OR2T27: variants seen among roughly 807,000 people sequenced by gnomAD.
OR2T27 encodes olfactory receptor 2T27.
For synonymous variants in OR2T27, 51 were observed against 152.9 expected (o/e 0.33, Z 4.92); for missense variants, 152 against 397.2 (o/e 0.38, Z 5.25).
chr1:248,651,420 T>G (rs143758624), intron 1 of OR2T27: 1,500 of 71,566 alleles, frequency 0.021, 121 homozygotes, highest in African/African-American at 0.039. Flanking sequence ...AGTACTCAAC[T>G]TACATGTATC....
At chr1:248,652,693 TCCA>T (rs1661046974) in intron 1 of OR2T27, among the ~76,000 whole-genome samples, 2 of 44,924 alleles carry the variant, frequency 4.5e-5, no homozygotes, top group African/African-American at 8.2e-5. Context: ...TCAGTACAAT[TCCA>T]CCACAACCAT....
chr1:248,652,553 C>T (rs1237230126), intron 1 of OR2T27, among the ~76,000 whole-genome samples: 1 of 128,198 alleles, frequency 7.8e-6, no homozygotes, highest in African/African-American at 2.6e-5. Context: ...TGTGTGACCA[C>T]AGGTGCACTT....
At position 248,653,390 on chromosome 1, in the gene OR2T27, T is replaced by C. The variant is rs1232141868; in HGVS notation, c.-5+2054A>G. 1.4e-5 allele frequency among the ~76,000 whole-genome samples: 2 copies of C among 141,904 alleles called. 1 individual carries two copies. Among genetic ancestry groups the C allele is most frequent in the Non-Finnish European group, 3.1e-5 (2 of 63,782 alleles). The allele number at this position is 141,904 out of a possible 152,430, so 93.1% of individuals were successfully genotyped here. A position where few individuals can be genotyped will look rare whatever the true frequency, so the allele number is the denominator to read the frequency against. The stretch of plus-strand genomic sequence containing the variant: ...TATGCCATGCCCCATGTAATAACTG[T>C]CTATGCATAATTCCAAACCTTAGTA... On this transcript the variant is annotated intron_variant, in intron 1 of 1. Coordinates refer to ENST00000460972, the MANE Select transcript of OR2T27 (RefSeq NM_001001824.2).
chr1:248,651,536 G>T lies in OR2T27; in HGVS notation c.-4-648C>A, dbSNP rs577427829. 77 of 60,934 alleles carry T rather than the reference G, an allele frequency of 1.3e-3. 4 individuals carry two copies. The highest frequency in any genetic ancestry group is 2.2e-3 in the African/African-American group (74 of 32,944). The allele number at this position is 60,934 out of a possible 1,614,324, so 3.8% of individuals were successfully genotyped here. A position where few individuals can be genotyped will look rare whatever the true frequency, so the allele number is the denominator to read the frequency against. ...AAAATCATGGGAGAAAACGTTGAGG[G>T]TCAAGTGGTGTTTGCTTTCCTTCTT... On this transcript the variant is annotated intron_variant, in intron 1 of 1. Coordinates refer to ENST00000460972, the MANE Select transcript of OR2T27 (RefSeq NM_001001824.2).
chr1:248,653,418 C>T lies in OR2T27; in HGVS notation c.-5+2026G>A, dbSNP rs192254360. 2.3e-4 allele frequency among the ~76,000 whole-genome samples: 33 copies of T among 142,408 alleles called. 2 individuals carry two copies. Among genetic ancestry groups the T allele is most frequent in the African/African-American group, 7.2e-4 (29 of 40,478 alleles). 93.4% of individuals were successfully genotyped at this position (142,408 alleles called of 152,430 possible). A position where few individuals can be genotyped will look rare whatever the true frequency, so the allele number is the denominator to read the frequency against. On this transcript the variant is annotated intron_variant, in intron 1 of 1. Coordinates refer to ENST00000460972, the MANE Select transcript of OR2T27 (RefSeq NM_001001824.2). The stretch of plus-strand genomic sequence containing the variant: ...ATGCATAATTCCAAACCTTAGTAAA[C>T]GTCCAGTTCTATGTATACCTAATAA...
Position 248,650,519 on chromosome 1 carries a change from G to C in OR2T27, c.366C>G (p.Arg122=), listed in dbSNP as rs140994206. The C allele has an allele frequency of 1.5e-5, 20 of 1,336,018 alleles. No homozygotes were observed. In the African/African-American group the frequency reaches 2.8e-4, roughly 19 times the overall value. 82.8% of individuals were successfully genotyped at this position (1,336,018 alleles called of 1,614,324 possible). A position where few individuals can be genotyped will look rare whatever the true frequency, so the allele number is the denominator to read the frequency against. Residue 122 remains arginine, a synonymous_variant, in exon 2 of 2, where the codon CGC becomes CGG. Transcript: ENST00000460972. ...GCAGAGGGTTGCAGATGGCTACGTA[G>C]CGATCATAGGACATGAGTCCTAGGA... ...FFLLGLMSYD[R]YVAICNPLHY...
chr1:248,652,818 G>A (rs569816453), intron 1 of OR2T27, among the ~76,000 whole-genome samples: 135 of 149,730 alleles, frequency 9.0e-4, no homozygotes, highest in African/African-American at 3.1e-3. Context: ...CCAGCTTTAT[G>A]CCAGAGCTTT....
chr1:248,649,932 T>G lies in OR2T27; in HGVS notation c.953A>C (p.Ter318SerextTer7). 1.3e-6 allele frequency: 2 copies of G among 1,550,334 alleles called. No homozygotes were observed. ...TCTCTAGCAGCATATGAAATTTCTT[T>G]AGAAAGTGGTTACCTTTCCTGAGGA... ...CVSSGKVTTF[*>S] Residue 318 changes from the stop codon to serine (S), a stop_lost, in exon 2 of 2, where the codon TAA (stop) becomes TCA (serine). Coordinates refer to ENST00000460972, the MANE Select transcript of OR2T27 (RefSeq NM_001001824.2).
chr1:248,652,146 A>G (rs1193572950), intron 1 of OR2T27, among the ~76,000 whole-genome samples: 3 of 132,668 alleles, frequency 2.3e-5, no homozygotes, highest in African/African-American at 3.7e-5. Flanking sequence ...AGTTAAACAC[A>G]CCACAAATTA....
chr1:248,652,217 C>T lies in OR2T27; in HGVS notation c.-4-1329G>A, dbSNP rs190830975. 3.3e-3 allele frequency among the ~76,000 whole-genome samples: 507 copies of T among 151,796 alleles called. 4 individuals carry two copies. The highest frequency in any genetic ancestry group is 5.6e-3 in the Non-Finnish European group (380 of 67,878). On this transcript the variant is annotated intron_variant, in intron 1 of 1. Transcript: ENST00000460972. The stretch of plus-strand genomic sequence containing the variant: ...AGAAAAATGGCTTTACTTGTATATG[C>T]ATTCACCCTCAAATAGCAGTAAGAA...
At position 248,650,448 on chromosome 1, in the gene OR2T27, G is replaced by A. The variant is rs76164485; in HGVS notation, c.437C>T (p.Ala146Val). The A allele has an allele frequency of 0.021, 32,317 of 1,555,156 alleles. 288 individuals are homozygous for A. Among genetic ancestry groups the A allele is most frequent in the African/African-American group, 0.13 (9,100 of 71,412 alleles). ...MSRKICWLIV[A>V]AAWLGGSIDG... ...GATAGACCCTCCCAGCCAGGCTGCC[G>A]CCACAATCAACCAGCAGATCTTGCG... Residue 146 changes from alanine to valine, a missense_variant, in exon 2 of 2, where the codon GCG (alanine) becomes GTG (valine). Coordinates refer to ENST00000460972, the MANE Select transcript of OR2T27 (RefSeq NM_001001824.2).
rs1162178543 is a variant in OR2T27, at chr1:248,650,074, C to G, written c.811G>C (p.Asp271His). ...GTGTAGAAGGCAGATACAGCTTTGT[C>G]CTGCTCAGGGGTGTGGTAAGAATGA... is the stretch of plus-strand genomic sequence containing the variant. ...LPHSYHTPEQ[D>H]KAVSAFYTIL... Residue 271 changes from aspartate (D) to histidine (H), a missense_variant, in exon 2 of 2, where the codon GAC (aspartate) becomes CAC (histidine). Coordinates refer to ENST00000460972, the MANE Select transcript of OR2T27 (RefSeq NM_001001824.2). 6.4e-7 allele frequency: 1 copy of G among 1,573,090 alleles called. No individual in the cohort carries two copies. The highest frequency in any genetic ancestry group is 2.3e-5 in the East Asian group (1 of 43,412).
In OR2T27 at chr1:248,650,900, A is replaced by C. The variant is rs773925308; in HGVS notation, c.-4-12T>G. On this transcript the variant is annotated splice_polypyrimidine_tract_variant and intron_variant, in intron 1 of 1. Transcript: ENST00000460972. ...TCTGCTCCATAGCTCTGTAGGGTACACAAAAGAGATATGACAAAGTTGGAA... is the reference window on the plus strand; with the variant it reads ...TCTGCTCCATAGCTCTGTAGGGTACCCAAAAGAGATATGACAAAGTTGGAA... 1 of 1,453,252 alleles carries C rather than the reference A, an allele frequency of 6.9e-7. No individual in the cohort carries two copies. The highest frequency in any genetic ancestry group is 9.3e-7 in the Non-Finnish European group (1 of 1,073,736). The allele number at this position is 1,453,252 out of a possible 1,614,324, so 90.0% of individuals were successfully genotyped here.
Position 248,649,954 on chromosome 1 carries a change from A to C in OR2T27, c.931T>G (p.Ser311Ala). ...CTTTAGAAAGTGGTTACCTTTCCTG[A>C]GGACACACACCTCCCCACAACCTTC... ...LQKVVGRCVSSGKVTTF is the reference protein window; with the variant it reads ...LQKVVGRCVSAGKVTTF The change falls in exon 2 of 2, where the codon TCA becomes GCA. Residue 311 changes from serine (S) to alanine (A), a missense_variant. By Grantham distance (99) the Ser-to-Ala change is moderately conservative. Coordinates refer to ENST00000460972, the MANE Select transcript of OR2T27 (RefSeq NM_001001824.2). 1.3e-6 allele frequency: 2 copies of C among 1,576,694 alleles called. No homozygotes were observed. The highest frequency in any genetic ancestry group is 1.7e-6 in the Non-Finnish European group (2 of 1,154,218).
In OR2T27 at chr1:248,652,708, CCA is replaced by C. The variant is rs571193336; in HGVS notation, c.-4-1822_-4-1821del. ...TCAGTACAATTCCACCACAACCATGCCACAGTGGATGGATGGAAAACGATGAA... is the reference window on the plus strand; with the variant it reads ...TCAGTACAATTCCACCACAACCATGCCAGTGGATGGATGGAAAACGATGAA... On this transcript the variant is annotated intron_variant, in intron 1 of 1. Transcript: ENST00000460972. 9.3e-3 allele frequency among the ~76,000 whole-genome samples: 586 copies of C among 63,326 alleles called. 11 individuals carry two copies. Among genetic ancestry groups the C allele is most frequent in the African/African-American group, 0.02 (569 of 28,036 alleles). 41.5% of individuals were successfully genotyped at this position (63,326 alleles called of 152,430 possible).
intron 1 of OR2T27, among the ~76,000 whole-genome samples, chr1:248,652,151 A>C (rs72769028): frequency 0.22 from 30,239 of 136,380 alleles, 900 homozygotes; most frequent in African/African-American, 0.34. Context: ...AACACACCAC[A>C]AATTAGAATT....
rs781100507 is a variant in OR2T27 at position 248,649,889 on chromosome 1, T to C, written c.*42A>G. 2 of 1,346,708 alleles carry C rather than the reference T, an allele frequency of 1.5e-6. No homozygotes were observed. The highest frequency in any genetic ancestry group is 2.1e-6 in the Non-Finnish European group (2 of 950,268). 83.4% of individuals were successfully genotyped at this position (1,346,708 alleles called of 1,614,324 possible). A position where few individuals can be genotyped will look rare whatever the true frequency, so the allele number is the denominator to read the frequency against. On this transcript the variant is annotated 3_prime_UTR_variant, in exon 2 of 2. Coordinates refer to ENST00000460972, the MANE Select transcript of OR2T27 (RefSeq NM_001001824.2). ...AAATTCAAGGGCAATGATAAAGTCT[T>C]GTATCCTTCATTTCAAGTCTCTAGC...
chr1:248,650,848 T>A lies in OR2T27; in HGVS notation c.37A>T (p.Ile13Phe). 3 of 1,608,178 alleles carry A rather than the reference T, an allele frequency of 1.9e-6. No individual in the cohort carries two copies. The highest frequency in any genetic ancestry group is 2.5e-6 in the Non-Finnish European group (3 of 1,176,604). ...GCGTTGCTGAACAAACCCAGAAGGA[T>A]AAAGTCGGCATACACGGAATAATTG... ...QSNYSVYADFILLGLFSNARF... is the reference protein window; with the variant it reads ...QSNYSVYADFFLLGLFSNARF... The change falls in exon 2 of 2, where the codon ATC becomes TTC. Residue 13 changes from isoleucine to phenylalanine, a missense_variant. Transcript: ENST00000460972.
At chr1:248,655,374 A>G (rs1661096025) in intron 1 of OR2T27, 70 bp downstream of exon 1, 1 of 121,394 alleles carries the variant, frequency 8.2e-6, no homozygotes, top group Admixed American at 9.0e-5. Context: ...TTTGAACCAA[A>G]ACTTTCTAGG....
Sources: gnomAD v4.1 joint callset for allele counts (sites outside exome capture counted in the v4.1 genomes callset) on GRCh38, gnomAD v4.1.1 for gene constraint, MANE v1.5 for transcripts, NCBI Gene and HGNC (gene_info 2026-07-23, HGNC 2026-07-21) for gene names.